IL1RAP: variants seen among roughly 807,000 people sequenced by gnomAD.
IL1RAP encodes the protein interleukin 1 receptor accessory protein.
Under a neutral mutation model 60.7 loss-of-function variants are expected in IL1RAP, and 35 were observed. The ratio of observed to expected loss-of-function variants is 0.58; its 90% confidence interval spans 0.44 to 0.76. IL1RAP has a LOEUF of 0.76. IL1RAP is among the 30% of genes least tolerant of loss of function. The pLI, the probability that IL1RAP is intolerant of heterozygous loss-of-function variation, is 0.00. For synonymous variants in IL1RAP, 268 were observed against 250.9 expected (o/e 1.07, Z -0.64); for missense variants, 572 against 693.9 (o/e 0.82, Z 1.97).
intron 5 of IL1RAP, among the ~76,000 whole-genome samples, chr3:190,609,741 C>T (rs753267885): frequency 9.9e-5 from 15 of 152,144 alleles, no homozygotes; most frequent in African/African-American, 1.4e-4. Flanking sequence ...CGAAACCCCA[C>T]GGCCAGAATT....
At chr3:190,537,028 A>AT (rs896000843) in intron 1 of IL1RAP, among the ~76,000 whole-genome samples, 2 of 151,754 alleles carry the variant, frequency 1.3e-5, no homozygotes, top group South Asian at 2.1e-4. Flanking sequence ...TAATATAGAT[A>AT]TTTTTTTTAA....
intron 1 of IL1RAP, among the ~76,000 whole-genome samples, chr3:190,520,818 T>C (rs1185276997): frequency 6.6e-6 from 1 of 152,204 alleles, no homozygotes; most frequent in Non-Finnish European, 1.5e-5. Flanking sequence ...TCAATGCTAA[T>C]GGCAAGAGAA....
rs565291660 is a variant in IL1RAP, at chr3:190,638,048, G to A, written c.1052-6200G>A. Among the ~76,000 whole-genome samples, 4 of 152,106 alleles carry A rather than the reference G, an allele frequency of 2.6e-5. No individual in the cohort carries two copies. In the South Asian group the frequency reaches 8.3e-4, roughly 32 times the overall value. ...GATTTGTTTATTCATTCTCTGGGTG[G>A]TGAACATTTGGGTTGTTATCAGTTT... is the stretch of plus-strand genomic sequence containing the variant. On this transcript the variant is annotated intron_variant, in intron 9 of 11. Transcript: ENST00000447382.
intron 3 of IL1RAP, among the ~76,000 whole-genome samples, chr3:190,590,705 A>C (rs962526323): frequency 2.0e-5 from 3 of 152,166 alleles, no homozygotes; most frequent in African/African-American, 7.2e-5. Context: ...TATAGAACAC[A>C]TGCAGCGTTA....
chr3:190,553,357 G>A (rs1717606261), intron 1 of IL1RAP, among the ~76,000 whole-genome samples: 2 of 151,988 alleles, frequency 1.3e-5, no homozygotes, highest in South Asian at 4.1e-4. Context: ...TCTTCTAAAA[G>A]GAAAACACAA....
chr3:190,650,709 T>A lies in IL1RAP; in HGVS notation c.*2004T>A, dbSNP rs946551138. 1 of 979,108 alleles carries A rather than the reference T, an allele frequency of 1.0e-6. No homozygotes were observed. Among genetic ancestry groups the A allele is most frequent in the Non-Finnish European group, 1.2e-6 (1 of 824,330 alleles). The allele number at this position is 979,108 out of a possible 1,614,324, so 60.7% of individuals were successfully genotyped here. A position where few individuals can be genotyped will look rare whatever the true frequency, so the allele number is the denominator to read the frequency against. On this transcript the variant is annotated 3_prime_UTR_variant, in exon 12 of 12. Coordinates refer to ENST00000447382, the MANE Select transcript of IL1RAP (RefSeq NM_002182.4). ...AAAGTAGGTCATTCTTGGATCTACT[T>A]TTTTTTAGCCTTATTAATATTTTTC... is the stretch of plus-strand genomic sequence containing the variant.
chr3:190,634,543 G>A (rs917060249), intron 9 of IL1RAP, among the ~76,000 whole-genome samples: 1 of 151,854 alleles, frequency 6.6e-6, no homozygotes, highest in African/African-American at 2.4e-5. Flanking sequence ...TTGGTTTGTA[G>A]TATTCTTTTC....
chr3:190,656,493 A>G, downstream of IL1RAP: 1 of 1,537,274 alleles, frequency 6.5e-7, no homozygotes, highest in Non-Finnish European at 8.7e-7. Flanking sequence ...AAGAGTCAGA[A>G]ACTCAATGGA....
intron 8 of IL1RAP, among the ~76,000 whole-genome samples, chr3:190,627,720 A>G (rs1732428850): frequency 6.6e-6 from 1 of 152,172 alleles, no homozygotes; most frequent in Non-Finnish European, 1.5e-5. Context: ...GAGGACATGC[A>G]CCCTATTGTC....
intron 3 of IL1RAP, among the ~76,000 whole-genome samples, chr3:190,595,410 A>G (rs750702443): frequency 3.3e-5 from 5 of 152,210 alleles, no homozygotes; most frequent in Non-Finnish European, 5.9e-5. Flanking sequence ...ACACTTAAAC[A>G]TATTGATTTC....
chr3:190,623,248 A>G, intron 6 of IL1RAP, 96 bp from the exon 7 acceptor site: 2 of 880,806 alleles, frequency 2.3e-6, no homozygotes, highest in Non-Finnish European at 3.8e-6. Flanking sequence ...CTGACAAACT[A>G]TGCCAGGAAG....
chr3:190,547,360 G>T (rs146423570), intron 1 of IL1RAP, among the ~76,000 whole-genome samples: 1 of 152,256 alleles, frequency 6.6e-6, no homozygotes, highest in Non-Finnish European at 1.5e-5. Context: ...TGGTGGGTGC[G>T]CATTGCCATC....
intron 1 of IL1RAP, among the ~76,000 whole-genome samples, chr3:190,547,092 G>T (rs1379162893): frequency 3.3e-5 from 5 of 152,292 alleles, no homozygotes; most frequent in African/African-American, 1.2e-4. Flanking sequence ...GTAAGTAGCT[G>T]TGTGGTAAAG....
At chr3:190,552,821 T>C (rs1272481991) in intron 1 of IL1RAP, among the ~76,000 whole-genome samples, 1 of 152,174 alleles carries the variant, frequency 6.6e-6, no homozygotes, top group Non-Finnish European at 1.5e-5. Flanking sequence ...AAAAAAGCAC[T>C]TTTTCCAGAA....
At chr3:190,537,534 T>C (rs1023457447) in intron 1 of IL1RAP, among the ~76,000 whole-genome samples, 25 of 152,178 alleles carry the variant, frequency 1.6e-4, no homozygotes, top group African/African-American at 6.0e-4. Flanking sequence ...GTGAACACTT[T>C]AAGGAGCGTG....
Position 190,542,770 on chromosome 3 carries a change from A to G in IL1RAP, c.-88-13360A>G, listed in dbSNP as rs1402480724. Among the ~76,000 whole-genome samples the G allele has an allele frequency of 6.6e-5, 10 of 151,802 alleles. No individual in the cohort carries two copies. The East Asian group carries it at 1.7e-3, about 26-fold the overall frequency. ...GGGCTCAAGGAATTTCTGTTATATT[A>G]TTTCATAGAAAACTCTTCCTTTCTA... On this transcript the variant is annotated intron_variant, in intron 1 of 11. Transcript: ENST00000447382.
chr3:190,604,272 G>A lies in IL1RAP; in HGVS notation c.209G>A (p.Trp70Ter). Residue 70 changes from tryptophan to a stop codon, truncating the protein, a stop_gained, in exon 4 of 12, where the codon TGG (tryptophan) becomes TAG (stop). Coordinates refer to ENST00000447382, the MANE Select transcript of IL1RAP (RefSeq NM_002182.4). LOFTEE classifies it high-confidence loss of function. Reference sequence around the variant, plus strand: ...CATTCAGCTGGCCTTACTCTGATCTGGTATTGGACTAGGCAGGACCGGGAC... The same window carrying A: ...CATTCAGCTGGCCTTACTCTGATCTAGTATTGGACTAGGCAGGACCGGGAC... ...TAHSAGLTLIWYWTRQDRDLE... is the reference protein window; with the variant it reads ...TAHSAGLTLI The A allele has an allele frequency of 6.2e-7, 1 of 1,613,974 alleles. No individual in the cohort carries two copies. Among genetic ancestry groups the A allele is most frequent in the Non-Finnish European group, 8.5e-7 (1 of 1,179,982 alleles).
chr3:190,600,569 C>A (rs1327198688), intron 3 of IL1RAP, among the ~76,000 whole-genome samples: 3 of 152,156 alleles, frequency 2.0e-5, no homozygotes, highest in African/African-American at 7.2e-5. Context: ...CCTAAGGGAG[C>A]CTCTGTCTCT....
chr3:190,582,317 CTT>C (rs371785536), intron 3 of IL1RAP, among the ~76,000 whole-genome samples: 12 of 140,492 alleles, frequency 8.5e-5, no homozygotes, highest in Middle Eastern at 3.7e-3. Flanking sequence ...CTTTTCTTTT[CTT>C]TTTTTTTTTT....
Sources: allele counts gnomAD v4.1 joint callset (sites outside exome capture counted in the v4.1 genomes callset), GRCh38; gene constraint gnomAD v4.1.1; transcripts MANE v1.5; gene names NCBI Gene and HGNC (gene_info 2026-07-23, HGNC 2026-07-21).